Variants in FRMD6 observed in about 807,000 individuals in gnomAD.
The protein encoded by FRMD6 is FERM domain containing 6, also known as FERM domain-containing protein 6.
A neutral mutation model predicts 73.2 loss-of-function variants in FRMD6; 37 were observed. The ratio of observed to expected loss-of-function variants is 0.51; its 90% CI spans 0.39 to 0.66. The LOEUF (loss-of-function observed/expected upper bound fraction) is 0.66, where lower values mean the gene tolerates loss of function less well. Among genes scored for constraint, FRMD6 ranks in the 30% least tolerant of loss-of-function variants. The pLI is 0.00. For missense variants in FRMD6, 714 were observed against 780.5 expected, an observed-to-expected ratio of 0.91 and a Z score of 1.02; for synonymous variants, 273 against 282.2, an observed-to-expected ratio of 0.97 and a Z score of 0.33.
At chr14:51,545,529 C>G (rs1010334938) in intron 1 of FRMD6, among the ~76,000 whole-genome samples, 1 of 151,988 alleles carries the variant, frequency 6.6e-6, no homozygotes, top group African/African-American at 2.4e-5. Context: ...TGAAATCAGC[C>G]AGGGTGGGAG....
chr14:51,677,615 G>A (rs1894485662), intron 1 of FRMD6, among the ~76,000 whole-genome samples: 1 of 151,966 alleles, frequency 6.6e-6, no homozygotes, highest in Non-Finnish European at 1.5e-5. Flanking sequence ...AGTTTCTGTG[G>A]TTTAAAATTC....
the FRMD6 span, among the ~76,000 whole-genome samples, chr14:51,452,464 G>C: frequency 6.6e-6 from 1 of 152,202 alleles, no homozygotes; most frequent in Non-Finnish European, 1.5e-5. Context: ...CTGTAAGTTT[G>C]GGATGTTGAG....
At chr14:51,684,545 T>C (rs567751453) in intron 1 of FRMD6, among the ~76,000 whole-genome samples, 12 of 152,212 alleles carry the variant, frequency 7.9e-5, no homozygotes, top group Admixed American at 2.0e-4. Flanking sequence ...CCATAGTGTC[T>C]CTATATGGAA....
In FRMD6 at chr14:51,720,260, C is replaced by T; in HGVS notation, c.1230C>T (p.Asp410=). 1.2e-6 allele frequency: 2 copies of T among 1,613,966 alleles called. No homozygotes were observed. The highest frequency in any genetic ancestry group is 1.1e-5 in the South Asian group (1 of 91,074). ...DTKPRDTGPE[D]SYSSSAIHRK... is the part of the protein sequence containing the mutation. ...AGCCCCGGGACACGGGGCCAGAAGA[C>T]AGCTACTCCAGCAGTGCCATCCACC... is the stretch of plus-strand genomic sequence containing the variant. Residue 410 remains aspartate (D), a synonymous_variant, in exon 11 of 14, where the codon GAC becomes GAT. Transcript: ENST00000344768.
At chr14:51,428,879 G>A in the FRMD6 span, among the ~76,000 whole-genome samples, 1 of 151,124 alleles carries the variant, frequency 6.6e-6, no homozygotes, top group Non-Finnish European at 1.5e-5. Context: ...TTTGCCATAT[G>A]TGAAGACTAT....
chr14:51,598,668 G>A (rs1014154139), intron 2 of FRMD6, among the ~76,000 whole-genome samples: 5 of 152,042 alleles, frequency 3.3e-5, no homozygotes, highest in African/African-American at 7.2e-5. Flanking sequence ...GTGGTATTTG[G>A]TTTTCTATCT....
the FRMD6 span, among the ~76,000 whole-genome samples, chr14:51,462,650 T>A: frequency 1.3e-5 from 2 of 152,146 alleles, no homozygotes; most frequent in Admixed American, 1.3e-4. Context: ...TACCTGTAGA[T>A]AAGGAAAGGC....
intron 2 of FRMD6, among the ~76,000 whole-genome samples, chr14:51,576,509 A>C (rs1044860547): frequency 6.6e-6 from 1 of 152,132 alleles, no homozygotes; most frequent in Non-Finnish European, 1.5e-5. Flanking sequence ...GAATGCTTTA[A>C]ATTTTTATTT....
chr14:51,632,944 A>T (rs1016243119), intron 2 of FRMD6, among the ~76,000 whole-genome samples: 1 of 152,234 alleles, frequency 6.6e-6, no homozygotes, highest in African/African-American at 2.4e-5. Context: ...AAATGCTAAG[A>T]AATTATTATT....
intron 2 of FRMD6, among the ~76,000 whole-genome samples, chr14:51,607,660 G>A (rs1401510999): frequency 1.3e-5 from 2 of 152,200 alleles, no homozygotes; most frequent in African/African-American, 4.8e-5. Context: ...ACGCTTTGTT[G>A]GGCTTTTTGT....
chr14:51,570,706 C>T (rs1265260022), intron 2 of FRMD6, among the ~76,000 whole-genome samples: 1 of 152,198 alleles, frequency 6.6e-6, no homozygotes, highest in African/African-American at 2.4e-5. Context: ...ACATACAGTT[C>T]TGAGAACCAG....
At chr14:51,424,036 T>C in the FRMD6 span, among the ~76,000 whole-genome samples, 3 of 152,258 alleles carry the variant, frequency 2.0e-5, no homozygotes, top group African/African-American at 7.2e-5. Context: ...CAGTAAATTG[T>C]ATGTCATATG....
At chr14:51,706,678 G>A (rs1896642615) in intron 6 of FRMD6, among the ~76,000 whole-genome samples, 1 of 151,840 alleles carries the variant, frequency 6.6e-6, no homozygotes, top group South Asian at 2.1e-4. Flanking sequence ...CCCAGGTGTC[G>A]CTCCTTCTGG....
rs1887947738 is a variant in FRMD6, at chr14:51,569,047, C to T, written c.-209-1301C>T. 2.0e-5 allele frequency among the ~76,000 whole-genome samples: 3 copies of T among 152,018 alleles called. No homozygotes were observed. The South Asian group carries it at 6.2e-4, about 32-fold the overall frequency. ...TTTTGGTAGAGACAGGTTTTCACCACGTTGGCCAGGCTGGTCTCGAACTCC... is the reference window on the plus strand; with the variant it reads ...TTTTGGTAGAGACAGGTTTTCACCATGTTGGCCAGGCTGGTCTCGAACTCC... On this transcript the variant is annotated intron_variant, in intron 1 of 14. Coordinates refer to the FRMD6 transcript ENST00000356218.
chr14:51,521,065 A>G (rs1884930039), intron 1 of FRMD6, among the ~76,000 whole-genome samples: 1 of 152,250 alleles, frequency 6.6e-6, no homozygotes, highest in South Asian at 2.1e-4. Context: ...AATCTATAGT[A>G]ATAGAAAGCA....
chr14:51,417,146 A>T, the FRMD6 span, among the ~76,000 whole-genome samples: 21 of 152,238 alleles, frequency 1.4e-4, no homozygotes, highest in South Asian at 4.4e-3. Flanking sequence ...CATTTAGCCC[A>T]TTTACATTTA....
At chr14:51,596,672 G>A (rs1021971572) in intron 2 of FRMD6, among the ~76,000 whole-genome samples, 10 of 152,288 alleles carry the variant, frequency 6.6e-5, no homozygotes, top group East Asian at 1.9e-4. Context: ...AAGCAGTGAC[G>A]CTTCTGTGGC....
At chr14:51,472,079 G>A in the FRMD6 span, among the ~76,000 whole-genome samples, 3 of 151,992 alleles carry the variant, frequency 2.0e-5, no homozygotes, top group East Asian at 1.9e-4. Flanking sequence ...CCTCTAGAAC[G>A]GTTAGAAATA....
rs907924125 is a variant in FRMD6 at position 51,728,324 on chromosome 14, G to A, written c.*295G>A. 2.3e-5 allele frequency: 7 copies of A among 299,916 alleles called. No individual in the cohort carries two copies. The highest frequency in any genetic ancestry group is 1.2e-5 in the Non-Finnish European group (2 of 160,626). 18.6% of individuals were successfully genotyped at this position (299,916 alleles called of 1,614,324 possible). ...AGCCTTCAGAATATTGGAGTGTGGT[G>A]TGTTTGCTCATCTGATGCTTTTTAG... is the stretch of plus-strand genomic sequence containing the variant. On this transcript the variant is annotated 3_prime_UTR_variant, in exon 14 of 14. Transcript: ENST00000344768.
Sources: allele counts gnomAD v4.1 joint callset (sites outside exome capture counted in the v4.1 genomes callset), GRCh38; gene constraint gnomAD v4.1.1; transcripts MANE v1.5; gene names NCBI Gene and HGNC (gene_info 2026-07-23, HGNC 2026-07-21).